Variants in KRCC1 observed in about 807,000 individuals in gnomAD.
KRCC1 encodes the protein lysine rich coiled-coil 1.
In KRCC1, 3 loss-of-function variants were observed where a neutral mutation model predicts 7.4. That is an observed-to-expected ratio of 0.40 (90% CI 0.18 to 1.04). KRCC1 has a LOEUF of 1.04. Among genes scored for constraint, KRCC1 ranks in the 50% least tolerant of loss-of-function variants. KRCC1 has a pLI of 0.33. For missense variants in KRCC1, 277 were observed against 300.9 expected (o/e 0.92, Z 0.59); for synonymous variants, 102 against 101.6 (o/e 1.00, Z -0.02).
At chr2:88,044,863 A>ATTTTTTT in intron 1 of KRCC1, among the ~76,000 whole-genome samples, 1 of 105,856 alleles carries the variant, frequency 9.4e-6, no homozygotes, top group South Asian at 3.3e-4. Flanking sequence ...GAGTTTGATA[A>ATTTTTTT]TTTTTTTTTT....
intron 1 of KRCC1, among the ~76,000 whole-genome samples, chr2:88,044,561 C>A (rs1278505301): frequency 6.6e-6 from 1 of 152,086 alleles, no homozygotes; most frequent in Non-Finnish European, 1.5e-5. Flanking sequence ...AAGGTCTGAA[C>A]AGATACTTCA....
chr2:88,055,192 A>G (rs1461560376), intron 1 of KRCC1, among the ~76,000 whole-genome samples: 2 of 149,270 alleles, frequency 1.3e-5, no homozygotes, highest in Non-Finnish European at 3.0e-5. Flanking sequence ...GTCCTACGTC[A>G]AAGTCTCTAC....
chr2:88,041,340 G>C (rs1428169149), intron 1 of KRCC1, among the ~76,000 whole-genome samples: 2 of 151,978 alleles, frequency 1.3e-5, no homozygotes, highest in Non-Finnish European at 2.9e-5. Flanking sequence ...TACTGTTGTT[G>C]TTATCCCCCA....
chr2:88,055,276 G>GAGGGATATCCTCTATTTA, intron 1 of KRCC1, among the ~76,000 whole-genome samples: 1 of 152,060 alleles, frequency 6.6e-6, no homozygotes, highest in Middle Eastern at 3.4e-3. Context: ...ATTTATCCCT[G>GAGGGATATCCTCTATTTA]TCCCCTCAAT....
At chr2:88,030,849 A>C (rs1427392393) in intron 3 of KRCC1, among the ~76,000 whole-genome samples, 1 of 152,244 alleles carries the variant, frequency 6.6e-6, no homozygotes, top group Non-Finnish European at 1.5e-5. Flanking sequence ...TCTTTTGGTC[A>C]ACAATGGACT....
At chr2:88,055,179 AGC>A (rs953983760) in intron 1 of KRCC1, among the ~76,000 whole-genome samples, 1 of 150,736 alleles carries the variant, frequency 6.6e-6, no homozygotes, top group Non-Finnish European at 1.5e-5. Flanking sequence ...CCTCTCCCTA[AGC>A]GTCCTACGTC....
At chr2:88,054,715 A>G (rs1673573312) in intron 1 of KRCC1, among the ~76,000 whole-genome samples, 1 of 151,962 alleles carries the variant, frequency 6.6e-6, no homozygotes, top group Non-Finnish European at 1.5e-5. Context: ...ATAGGAATGG[A>G]GCTCAGTCTT....
intron 2 of KRCC1, 83 bp from the exon 3 acceptor site, chr2:88,034,375 T>G (rs1673051930): frequency 6.6e-6 from 1 of 152,218 alleles, no homozygotes; most frequent in Non-Finnish European, 1.5e-5. Flanking sequence ...CATCTGAAAA[T>G]TCACAAAATT....
At chr2:88,043,474 A>T (rs1013118171) in intron 1 of KRCC1, among the ~76,000 whole-genome samples, 2 of 152,212 alleles carry the variant, frequency 1.3e-5, no homozygotes, top group Non-Finnish European at 2.9e-5. Flanking sequence ...GTCCTGCAAC[A>T]TTCTTTTGAT....
chr2:88,040,358 C>A (rs912407193), intron 1 of KRCC1, among the ~76,000 whole-genome samples: 2 of 152,088 alleles, frequency 1.3e-5, no homozygotes, highest in Non-Finnish European at 2.9e-5. Context: ...TTTTCAATAC[C>A]TATAACATTA....
Position 88,027,695 on chromosome 2 carries a change from TAA to T in KRCC1, c.*87_*88del. Reference sequence around the variant, plus strand: ...TTAGAAGTTAAAGAACCTATTCACATAAGAAAAGTGGTATGAACACGGATATC... The same window carrying T: ...TTAGAAGTTAAAGAACCTATTCACATGAAAAGTGGTATGAACACGGATATC... On this transcript the variant is annotated 3_prime_UTR_variant, in exon 4 of 4. Coordinates refer to ENST00000347055, the MANE Select transcript of KRCC1 (RefSeq NM_016618.3). 1 of 1,168,078 alleles carries T rather than the reference TAA, an allele frequency of 8.6e-7. No homozygotes were observed. The highest frequency in any genetic ancestry group is 2.4e-5 in the East Asian group (1 of 42,010). The allele number at this position is 1,168,078 out of a possible 1,614,324, so 72.4% of individuals were successfully genotyped here.
intron 3 of KRCC1, among the ~76,000 whole-genome samples, chr2:88,029,905 T>C (rs1672962270): frequency 6.7e-6 from 1 of 149,582 alleles, no homozygotes; most frequent in African/African-American, 2.5e-5. Flanking sequence ...TGGAGTTCAA[T>C]GGCACGATCT....
chr2:88,030,290 A>G (rs1409492281), intron 3 of KRCC1, among the ~76,000 whole-genome samples: 2 of 149,918 alleles, frequency 1.3e-5, no homozygotes, highest in African/African-American at 4.9e-5. Context: ...AACATGGGAT[A>G]TACTCCCTCC....
chr2:88,031,022 A>G (rs911347763), intron 3 of KRCC1, among the ~76,000 whole-genome samples: 3 of 152,200 alleles, frequency 2.0e-5, no homozygotes, highest in African/African-American at 7.2e-5. Flanking sequence ...ACAGTACATA[A>G]GATTTGATAA....
intron 2 of KRCC1, among the ~76,000 whole-genome samples, chr2:88,036,271 A>G (rs1274282639): frequency 4.6e-5 from 7 of 152,194 alleles, no homozygotes; most frequent in African/African-American, 1.7e-4. Context: ...ATTGTAATGT[A>G]GTATACAAAA....
At position 88,045,597 on chromosome 2, in the gene KRCC1, A is replaced by G. The variant is rs201793231; in HGVS notation, c.-290-8546T>C. ...GGCGAATGGATTGTAAAGGGGCATA[A>G]GTACTTTTGGGGTTGATGGAAATGT... On this transcript the variant is annotated intron_variant, in intron 1 of 3. Transcript: ENST00000347055. Among the ~76,000 whole-genome samples the G allele has an allele frequency of 8.9e-3, 1,360 of 152,236 alleles. 26 individuals are homozygous for G. The highest frequency in any genetic ancestry group is 0.085 in the East Asian group (437 of 5,170).
Position 88,028,570 on chromosome 2 carries a change from G to A in KRCC1, c.-7C>T. On this transcript the variant is annotated 5_prime_UTR_variant, in exon 4 of 4. The change creates a premature stop within an existing upstream ORF in the 5' untranslated region. Coordinates refer to ENST00000347055, the MANE Select transcript of KRCC1 (RefSeq NM_016618.3). ...TCTTCTTTGAATGCTTCATTAGGTT[G>A]ACAAAACGGGATTTTCTGCAAAAAA... The A allele has an allele frequency of 6.3e-7, 1 of 1,587,390 alleles. No individual in the cohort carries two copies. The highest frequency in any genetic ancestry group is 8.6e-7 in the Non-Finnish European group (1 of 1,168,248).
intron 1 of KRCC1, among the ~76,000 whole-genome samples, chr2:88,046,100 A>C (rs1329665547): frequency 6.6e-6 from 1 of 152,228 alleles, no homozygotes; most frequent in Admixed American, 6.5e-5. Flanking sequence ...CTGATTTTGA[A>C]ATGTTGGCTT....
intron 1 of KRCC1, among the ~76,000 whole-genome samples, chr2:88,052,698 T>C (rs544819635): frequency 6.6e-6 from 1 of 152,340 alleles, no homozygotes; most frequent in South Asian, 2.1e-4. Context: ...CATCGTGACA[T>C]GCTTTTATAC....
Sources: gnomAD v4.1 joint callset for allele counts (sites outside exome capture counted in the v4.1 genomes callset) on GRCh38, gnomAD v4.1.1 for gene constraint, MANE v1.5 for transcripts, NCBI Gene and HGNC (gene_info 2026-07-23, HGNC 2026-07-21) for gene names.